Variants in LINGO2 observed in about 807,000 individuals in gnomAD.
LINGO2 encodes leucine-rich repeat and immunoglobulin-like domain-containing nogo receptor-interacting protein 2.
LINGO2 carries 14 observed loss-of-function variants against 30.6 expected under a neutral mutation model. That is an observed-to-expected ratio of 0.46 (90% CI 0.30 to 0.72). LINGO2 has a LOEUF of 0.72. LINGO2 is among the 30% of genes least tolerant of loss of function. LINGO2 has a pLI of 0.07. For missense variants in LINGO2, 729 were observed against 751.7 expected, an observed-to-expected ratio of 0.97 and a Z score of 0.35; for synonymous variants, 317 against 288.5, an observed-to-expected ratio of 1.10 and a Z score of -1.00.
chr9:27,984,840 T>C (rs1245204723), intron 5 of LINGO2, among the ~76,000 whole-genome samples: 1 of 151,860 alleles, frequency 6.6e-6, no homozygotes, highest in Non-Finnish European at 1.5e-5. Flanking sequence ...TTATCTCCAT[T>C]TTATAAATGA....
intron 4 of LINGO2, among the ~76,000 whole-genome samples, chr9:28,221,222 C>T (rs1211875622): frequency 6.9e-6 from 1 of 144,912 alleles, no homozygotes; most frequent in African/African-American, 2.5e-5. Flanking sequence ...ATGGCGTGAA[C>T]CCAGGAGGCG....
At chr9:28,041,597 C>T (rs969650248) in intron 4 of LINGO2, among the ~76,000 whole-genome samples, 3 of 152,096 alleles carry the variant, frequency 2.0e-5, no homozygotes, top group Non-Finnish European at 4.4e-5. Context: ...AGTCTCAGTT[C>T]TGACTTGAGA....
intron 2 of LINGO2, among the ~76,000 whole-genome samples, chr9:28,428,252 C>G (rs1404548195): frequency 6.6e-6 from 1 of 152,186 alleles, no homozygotes; most frequent in African/African-American, 2.4e-5. Context: ...ATCTGAGGAT[C>G]AGGAACAAGG....
intron 1 of LINGO2, among the ~76,000 whole-genome samples, chr9:28,596,878 C>G (rs761423476): frequency 6.6e-6 from 1 of 152,132 alleles, no homozygotes; most frequent in Non-Finnish European, 1.5e-5. Flanking sequence ...ACTGAGCATG[C>G]CTGTCTTATC....
chr9:28,195,580 C>G (rs768317187), intron 4 of LINGO2, among the ~76,000 whole-genome samples: 3 of 149,816 alleles, frequency 2.0e-5, no homozygotes, highest in Admixed American at 6.7e-5. Flanking sequence ...TTTTCACAAC[C>G]CTATATAAAC....
At chr9:28,244,922 T>C (rs1821943900) in intron 4 of LINGO2, among the ~76,000 whole-genome samples, 1 of 152,044 alleles carries the variant, frequency 6.6e-6, no homozygotes, top group Non-Finnish European at 1.5e-5. Flanking sequence ...TCGAAATAAT[T>C]GAAAAGTAAG....
At chr9:28,307,090 T>C (rs2134235335) in intron 3 of LINGO2, among the ~76,000 whole-genome samples, 1 of 152,214 alleles carries the variant, frequency 6.6e-6, no homozygotes, top group Non-Finnish European at 1.5e-5. Flanking sequence ...GAGGCCAGCA[T>C]CATTCTGATA....
intron 1 of LINGO2, among the ~76,000 whole-genome samples, chr9:28,609,261 A>G (rs894468341): frequency 6.6e-6 from 1 of 151,890 alleles, no homozygotes; most frequent in African/African-American, 2.4e-5. Flanking sequence ...AGGATGCAAA[A>G]TATATCATTA....
chr9:28,791,080 G>A, the LINGO2 span, among the ~76,000 whole-genome samples: 1 of 152,020 alleles, frequency 6.6e-6, no homozygotes, highest in Non-Finnish European at 1.5e-5. Flanking sequence ...CTATGCGAAT[G>A]TATGTATAAA....
chr9:28,010,470 G>C (rs1222080730), intron 5 of LINGO2, among the ~76,000 whole-genome samples: 1 of 151,850 alleles, frequency 6.6e-6, no homozygotes, highest in South Asian at 2.1e-4. Context: ...TTTTTGCTCT[G>C]AATAAAATCT....
chr9:28,505,712 C>T lies in LINGO2; in HGVS notation c.-364-29687G>A, dbSNP rs1052819902. ...CAACTGCTACATTTACCAACTAATG[C>T]ATAACCTGCATTTGTAAACCCTAAT... On this transcript the variant is annotated intron_variant, in intron 1 of 5. Transcript: ENST00000379992. 2.6e-5 allele frequency among the ~76,000 whole-genome samples: 4 copies of T among 151,890 alleles called. No homozygotes were observed. In the South Asian group the frequency reaches 6.2e-4, roughly 24 times the overall value.
chr9:28,710,475 A>G, the LINGO2 span, among the ~76,000 whole-genome samples: 1 of 152,152 alleles, frequency 6.6e-6, no homozygotes, highest in Non-Finnish European at 1.5e-5. Flanking sequence ...TTAGATGCCT[A>G]TTTAGCTAGA....
At chr9:29,091,909 C>G in the LINGO2 span, among the ~76,000 whole-genome samples, 2 of 152,018 alleles carry the variant, frequency 1.3e-5, no homozygotes, top group South Asian at 4.2e-4. Context: ...AAAGTTATAG[C>G]CATCCTTCAT....
chr9:28,639,737 T>A (rs13285408), intron 1 of LINGO2, among the ~76,000 whole-genome samples: 14,305 of 152,218 alleles, frequency 0.094, 878 homozygotes, highest in East Asian at 0.19. Context: ...GTGGGTCTCC[T>A]GAATATAGCA....
the LINGO2 span, among the ~76,000 whole-genome samples, chr9:29,048,320 C>CAA: frequency 2.0e-5 from 3 of 148,608 alleles, no homozygotes; most frequent in African/African-American, 2.5e-5. Flanking sequence ...AAGAGGACAC[C>CAA]AAAAAAAAGA....
intron 1 of LINGO2, among the ~76,000 whole-genome samples, chr9:28,639,964 G>T (rs1467756056): frequency 1.3e-5 from 2 of 152,070 alleles, no homozygotes; most frequent in Non-Finnish European, 1.5e-5. Context: ...GGTACCGGTT[G>T]TTCCTTTCCA....
At chr9:28,872,441 A>G in the LINGO2 span, among the ~76,000 whole-genome samples, 1 of 152,140 alleles carries the variant, frequency 6.6e-6, no homozygotes, top group African/African-American at 2.4e-5. Flanking sequence ...ATGGGGCAAA[A>G]TTAAATGAAG....
At chr9:28,934,396 T>C in the LINGO2 span, among the ~76,000 whole-genome samples, 1 of 152,208 alleles carries the variant, frequency 6.6e-6, no homozygotes, top group East Asian at 1.9e-4. Flanking sequence ...GTCCATCAGA[T>C]AATGCCAACT....
the LINGO2 span, among the ~76,000 whole-genome samples, chr9:29,018,035 TAG>T: frequency 0.028 from 4,059 of 142,634 alleles, 133 homozygotes; most frequent in African/African-American, 0.071. Context: ...TATATATATA[TAG>T]AGAGAGAGAG....
Sources: allele counts gnomAD v4.1 joint callset (sites outside exome capture counted in the v4.1 genomes callset), GRCh38; gene constraint gnomAD v4.1.1; transcripts MANE v1.5; gene names NCBI Gene and HGNC (gene_info 2026-07-23, HGNC 2026-07-21).